NRG1: variants seen among roughly 807,000 people sequenced by gnomAD.
NRG1 encodes neuregulin 1, also known as pro-neuregulin-1, membrane-bound isoform.
NRG1 carries 18 observed loss-of-function variants against 63.8 expected under a neutral mutation model. That is an observed-to-expected ratio of 0.28 (90% CI 0.19 to 0.42). NRG1 has a LOEUF of 0.42. NRG1 is among the 10% of genes least tolerant of loss of function. NRG1 has a pLI of 1.00. For synonymous variants in NRG1, 302 were observed against 301.3 expected (o/e 1.00, Z -0.02); for missense variants, 762 against 814.7 (o/e 0.94, Z 0.79).
chr8:32,284,481 G>GCCTGCCTGCGTGCCTGCCTC (rs1271187635), intron 1 of NRG1, among the ~76,000 whole-genome samples: 1 of 123,834 alleles, frequency 8.1e-6, no homozygotes, highest in Non-Finnish European at 1.7e-5. Flanking sequence ...TTGCCTCCCT[G>GCCTGCCTGCGTGCCTGCCTC]CCTGCCTGCC....
chr8:31,785,504 T>C (rs1185141854), intron 1 of NRG1, among the ~76,000 whole-genome samples: 1 of 152,166 alleles, frequency 6.6e-6, no homozygotes, highest in Non-Finnish European at 1.5e-5. Context: ...GAGAATTGAT[T>C]GCTTTTTTCT....
chr8:31,712,253 A>ATTTTTTTTTT (rs1563318183), intron 1 of NRG1, among the ~76,000 whole-genome samples: 1 of 63,480 alleles, frequency 1.6e-5, no homozygotes, highest in African/African-American at 6.4e-5. Context: ...CTTCTTCATG[A>ATTTTTTTTTT]TCTTTTTTTT....
At chr8:32,255,157 C>A (rs1415980266) in intron 1 of NRG1, among the ~76,000 whole-genome samples, 1 of 152,288 alleles carries the variant, frequency 6.6e-6, no homozygotes, top group East Asian at 1.9e-4. Context: ...ATCTGCCAGT[C>A]TGTGTCTTTA....
chr8:31,845,530 A>G (rs772228004), intron 1 of NRG1, among the ~76,000 whole-genome samples: 2 of 152,128 alleles, frequency 1.3e-5, no homozygotes, highest in Non-Finnish European at 2.9e-5. Context: ...CTGGTTTTGA[A>G]TGAAGGTGAA....
intron 1 of NRG1, among the ~76,000 whole-genome samples, chr8:32,428,342 C>CTTTTTTTTTT (rs11415830): frequency 1.4e-5 from 2 of 146,972 alleles, no homozygotes; most frequent in Non-Finnish European, 1.5e-5. Flanking sequence ...TGAGTGAATT[C>CTTTTTTTTTT]TTTTTTTTTT....
chr8:32,176,307 T>C (rs372562639), intron 1 of NRG1, among the ~76,000 whole-genome samples: 6 of 152,128 alleles, frequency 3.9e-5, no homozygotes, highest in East Asian at 1.9e-4. Flanking sequence ...CCCTTCCTTA[T>C]ACCTTATACA....
chr8:32,609,643 C>T (rs1846005453), intron 3 of NRG1, among the ~76,000 whole-genome samples: 1 of 127,340 alleles, frequency 7.9e-6, no homozygotes, highest in Admixed American at 8.3e-5. Flanking sequence ...CTCCCTCTGT[C>T]TGTCTCTCTC....
chr8:32,238,357 G>C (rs1393414588), intron 1 of NRG1, among the ~76,000 whole-genome samples: 1 of 151,772 alleles, frequency 6.6e-6, no homozygotes, highest in African/African-American at 2.4e-5. Flanking sequence ...TACTTGGGAG[G>C]CTGGGGCAGG....
intron 1 of NRG1, among the ~76,000 whole-genome samples, chr8:32,012,771 T>C (rs1445594696): frequency 6.6e-6 from 1 of 152,156 alleles, no homozygotes; most frequent in Admixed American, 6.6e-5. Context: ...AGCTCAATGT[T>C]TGGCACCTCA....
At chr8:32,673,413 G>A (rs898515457) in intron 5 of NRG1, among the ~76,000 whole-genome samples, 5 of 152,102 alleles carry the variant, frequency 3.3e-5, no homozygotes, top group Admixed American at 6.5e-5. Flanking sequence ...TAGTGGAATC[G>A]ATTAAATCAT....
intron 1 of NRG1, among the ~76,000 whole-genome samples, chr8:32,233,566 T>A (rs1163151854): frequency 1.3e-3 from 128 of 100,406 alleles, no homozygotes; most frequent in East Asian, 4.7e-3. Context: ...TATATATATT[T>A]TTTTTTTTTT....
chr8:32,097,130 C>T, intron 1 of NRG1, among the ~76,000 whole-genome samples: 1 of 152,160 alleles, frequency 6.6e-6, no homozygotes, highest in East Asian at 1.9e-4. Context: ...TTTCATGTAA[C>T]ATAATGACCT....
At chr8:32,341,391 A>G (rs1804054464) in intron 1 of NRG1, among the ~76,000 whole-genome samples, 1 of 152,234 alleles carries the variant, frequency 6.6e-6, no homozygotes, top group Admixed American at 6.5e-5. Flanking sequence ...AAAGTGAAGC[A>G]CTGGTCAGCT....
intron 1 of NRG1, among the ~76,000 whole-genome samples, chr8:32,148,229 T>C (rs1342655289): frequency 2.0e-5 from 3 of 152,136 alleles, no homozygotes; most frequent in Non-Finnish European, 4.4e-5. Flanking sequence ...CGAAATAATT[T>C]ATCCAGGTAG....
At chr8:31,977,535 A>G (rs1219310439) in intron 1 of NRG1, among the ~76,000 whole-genome samples, 2 of 152,004 alleles carry the variant, frequency 1.3e-5, no homozygotes, top group Non-Finnish European at 2.9e-5. Flanking sequence ...TTCTTCTTCC[A>G]ATTCATCCTA....
At chr8:32,760,744 G>A (rs1012465463) in intron 11 of NRG1, 3 of 1,059,760 alleles carry the variant, frequency 2.8e-6, no homozygotes, top group Admixed American at 4.7e-5. Context: ...TAGAGAGATG[G>A]CATCAATGCT....
Position 31,997,862 on chromosome 8 carries a change from A to G in NRG1, c.37+358431A>G, listed in dbSNP as rs566758862. Among the ~76,000 whole-genome samples, 10 of 152,156 alleles carry G rather than the reference A, an allele frequency of 6.6e-5. No individual in the cohort carries two copies. The South Asian group carries it at 1.2e-3, about 19-fold the overall frequency. ...CAACCCATGTATGATAGGTAATATT[A>G]TTATCTCCATCTCGCAAATAAGGAA... On this transcript the variant is annotated intron_variant, in intron 1 of 10. Transcript: ENST00000519301.
chr8:32,356,474 A>ACCCCCCCCCCCCCCCCCCCCGGC (rs11426642), intron 1 of NRG1, among the ~76,000 whole-genome samples: 1 of 69,332 alleles, frequency 1.4e-5, no homozygotes, highest in Non-Finnish European at 2.9e-5. Flanking sequence ...CCTTGTTGGG[A>ACCCCCCCCCCCCCCCCCCCCGGC]CCCCCCCCCC....
In NRG1 at chr8:31,770,746, C is replaced by T. The variant is rs1818537633; in HGVS notation, c.37+131315C>T. 2.1e-5 allele frequency among the ~76,000 whole-genome samples: 3 copies of T among 145,280 alleles called. No homozygotes were observed. The South Asian group carries it at 6.7e-4, about 32-fold the overall frequency. On this transcript the variant is annotated intron_variant, in intron 1 of 10. Transcript: ENST00000519301. The stretch of plus-strand genomic sequence containing the variant: ...CAAACCTACACGTTGTGCACATGTA[C>T]CCTAGAACTTAAAGTATAATAAACA...
Sources: gnomAD v4.1 joint callset for allele counts (sites outside exome capture counted in the v4.1 genomes callset) on GRCh38, gnomAD v4.1.1 for gene constraint, MANE v1.5 for transcripts, NCBI Gene and HGNC (gene_info 2026-07-23, HGNC 2026-07-21) for gene names.